Variants in TMEM132C observed in about 807,000 individuals in gnomAD.
TMEM132C encodes transmembrane protein 132C.
Under a neutral mutation model 61.4 loss-of-function variants are expected in TMEM132C, and 29 were observed. That is an observed-to-expected ratio of 0.47 (90% CI 0.35 to 0.64). The LOEUF (loss-of-function observed/expected upper bound fraction) is 0.64. TMEM132C is among the 30% of genes least tolerant of loss of function. TMEM132C has a pLI of 0.00. For synonymous variants in TMEM132C, 656 were observed against 633.1 expected, an observed-to-expected ratio of 1.04 and a Z score of -0.54; for missense variants, 1,408 against 1,476.9, an observed-to-expected ratio of 0.95 and a Z score of 0.76.
At chr12:128,541,637 C>T (rs1873756631) in intron 2 of TMEM132C, among the ~76,000 whole-genome samples, 1 of 152,162 alleles carries the variant, frequency 6.6e-6, no homozygotes, top group African/African-American at 2.4e-5. Flanking sequence ...CACGTAGAGA[C>T]TTTTCTTAGT....
At chr12:128,288,776 C>T (rs1453248738) in intron 1 of TMEM132C, 1 of 152,220 alleles carries the variant, frequency 6.6e-6, no homozygotes, top group East Asian at 1.9e-4. Context: ...GTGTCACAGT[C>T]ACAGGCTAAA....
Position 128,326,797 on chromosome 12 carries a change from T to TC in TMEM132C, c.85+59310_85+59311insC, listed in dbSNP as rs1240748228. 2.2e-5 allele frequency among the ~76,000 whole-genome samples: 3 copies of TC among 134,288 alleles called. No individual in the cohort carries two copies. Among genetic ancestry groups the TC allele is most frequent in the African/African-American group, 9.6e-5 (3 of 31,336 alleles). The allele number at this position is 134,288 out of a possible 152,430, so 88.1% of individuals were successfully genotyped here. A position where few individuals can be genotyped will look rare whatever the true frequency, so the allele number is the denominator to read the frequency against. On this transcript the variant is annotated intron_variant, in intron 1 of 8. Transcript: ENST00000435159. This position sits in a 1 kb window ranked among gnomAD's most constrained non-coding sequence, Gnocchi z 5.6. ...ACATCTCGTTACCGACTTCACAATA[T>TC]TTTTTTTTTCTTTCTTAACAACGTA...
intron 3 of TMEM132C, among the ~76,000 whole-genome samples, chr12:128,608,625 G>C (rs1218953501): frequency 6.6e-6 from 1 of 152,204 alleles, no homozygotes; most frequent in Non-Finnish European, 1.5e-5. Context: ...TAATCACAGA[G>C]AGAAAACACT....
chr12:128,406,936 C>T (rs1875369024), intron 1 of TMEM132C, among the ~76,000 whole-genome samples: 1 of 152,188 alleles, frequency 6.6e-6, no homozygotes, highest in Non-Finnish European at 1.5e-5. Context: ...CTTCCCTATT[C>T]CTCAATTTCC....
At chr12:128,544,144 C>T (rs1301777411) in intron 3 of TMEM132C, 41 bp downstream of exon 3, 2 of 1,464,272 alleles carry the variant, frequency 1.4e-6, no homozygotes, top group Non-Finnish European at 1.8e-6. Flanking sequence ...GGTTCCTGGT[C>T]CCGGGCCCAG....
rs1233004483 is a variant in TMEM132C at position 128,321,140 on chromosome 12, AT to A, written c.85+53654del. On this transcript the variant is annotated intron_variant, in intron 1 of 8. Transcript: ENST00000435159. ...CTGTCCAGGCTGCCATTTTTGAAAA[AT>A]AATAATAATAATAATAATAATAATA... Among the ~76,000 whole-genome samples, 130 of 63,202 alleles carry A rather than the reference AT, an allele frequency of 2.1e-3. 1 individual carries two copies. The highest frequency in any genetic ancestry group is 7.1e-3 in the Middle Eastern group (1 of 140). The allele number at this position is 63,202 out of a possible 152,430, so 41.5% of individuals were successfully genotyped here.
In TMEM132C at chr12:128,374,215, T is replaced by G. The variant is rs1874114725; in HGVS notation, c.86-40517T>G. Among the ~76,000 whole-genome samples, 4 of 152,128 alleles carry G rather than the reference T, an allele frequency of 2.6e-5. No individual in the cohort carries two copies. The South Asian group carries it at 8.3e-4, about 32-fold the overall frequency. ...ACATCCGGGAGACTATTGCATAGTTTATGCGAAAAACAACGGGACTGAAAC... is the reference window on the plus strand; with the variant it reads ...ACATCCGGGAGACTATTGCATAGTTGATGCGAAAAACAACGGGACTGAAAC... On this transcript the variant is annotated intron_variant, in intron 1 of 8. Coordinates refer to ENST00000435159, the MANE Select transcript of TMEM132C (RefSeq NM_001136103.3).
In TMEM132C at chr12:128,267,366, G is replaced by A. The variant is rs1463059821; in HGVS notation, c.-37G>A. On this transcript the variant is annotated 5_prime_UTR_variant, in exon 1 of 9. Transcript: ENST00000435159. Reference sequence around the variant, plus strand: ...GGCCGCGGGCGGGCGCTGCGCTTCGGGCTGGCGGCGGGCTGCGTGAGCGGC... The same window carrying A: ...GGCCGCGGGCGGGCGCTGCGCTTCGAGCTGGCGGCGGGCTGCGTGAGCGGC... The A allele has an allele frequency of 3.7e-5, 38 of 1,035,920 alleles. No individual in the cohort carries two copies. Among genetic ancestry groups the A allele is most frequent in the Middle Eastern group, 4.5e-4 (1 of 2,214 alleles). 64.2% of individuals were successfully genotyped at this position (1,035,920 alleles called of 1,614,324 possible). A position where few individuals can be genotyped will look rare whatever the true frequency, so the allele number is the denominator to read the frequency against.
chr12:128,569,061 C>T (rs976996366), intron 3 of TMEM132C, among the ~76,000 whole-genome samples: 4 of 152,138 alleles, frequency 2.6e-5, no homozygotes, highest in Non-Finnish European at 5.9e-5. Flanking sequence ...CAGTTGAGGA[C>T]ACATTCCATG....
intron 2 of TMEM132C, among the ~76,000 whole-genome samples, chr12:128,423,841 G>A (rs937843031): frequency 2.0e-5 from 3 of 151,840 alleles, no homozygotes; most frequent in African/African-American, 7.3e-5. Flanking sequence ...AGACCATCCT[G>A]GCTAACATGG....
chr12:128,693,994 C>T lies in TMEM132C; in HGVS notation c.1615C>T (p.Gln539Ter). The T allele has an allele frequency of 1.3e-6, 2 of 1,551,722 alleles. No individual in the cohort carries two copies. The change falls in exon 6 of 9, where the codon CAG (glutamine) becomes TAG (stop). Residue 539 changes from glutamine (Q) to a stop codon, truncating the protein, a stop_gained. Transcript: ENST00000435159. LOFTEE classifies it high-confidence loss of function. ...CGAGGTCTCTGACACGGAGCTCAGC[C>T]AGATAAAGGGCTGGAGGGTCCCCAT... is the stretch of plus-strand genomic sequence containing the variant. ...QIEVSDTELS[Q>*]IKGWRVPIVT... is the part of the protein sequence containing the mutation.
chr12:128,645,160 G>GTTGT (rs1954186549), intron 4 of TMEM132C, among the ~76,000 whole-genome samples: 1 of 152,126 alleles, frequency 6.6e-6, no homozygotes, highest in South Asian at 2.1e-4. Context: ...ACTAGATGTG[G>GTTGT]TTGTGCCCAA....
intron 1 of TMEM132C, among the ~76,000 whole-genome samples, chr12:128,396,588 A>ATAC (rs1229718296): frequency 6.6e-6 from 1 of 152,172 alleles, no homozygotes; most frequent in Non-Finnish European, 1.5e-5. Flanking sequence ...AATAATAATA[A>ATAC]TAGGTAATGT....
At chr12:128,533,251 G>A (rs1340399103) in intron 2 of TMEM132C, among the ~76,000 whole-genome samples, 1 of 152,196 alleles carries the variant, frequency 6.6e-6, no homozygotes, top group Non-Finnish European at 1.5e-5. Context: ...TGGTTGGTTA[G>A]CTCAGTGCAA....
intron 1 of TMEM132C, among the ~76,000 whole-genome samples, chr12:128,385,748 C>T (rs1874559129): frequency 6.6e-6 from 1 of 152,156 alleles, no homozygotes; most frequent in Admixed American, 6.5e-5. Context: ...GGTATAAGTC[C>T]TTAACTGAAC....
intron 1 of TMEM132C, among the ~76,000 whole-genome samples, chr12:128,328,975 C>T (rs1872601522): frequency 6.6e-6 from 1 of 151,914 alleles, no homozygotes; most frequent in Non-Finnish European, 1.5e-5. Flanking sequence ...TTGTTTTTTC[C>T]ATGTTTTCCT....
chr12:128,629,657 A>G (rs1423485658), intron 4 of TMEM132C, among the ~76,000 whole-genome samples: 2 of 152,070 alleles, frequency 1.3e-5, no homozygotes, highest in Non-Finnish European at 2.9e-5. Flanking sequence ...CCTGTAGTCG[A>G]CAACACTGAA....
chr12:128,278,279 C>A lies in TMEM132C; in HGVS notation c.85+10792C>A, dbSNP rs1870759033. 1.3e-5 allele frequency among the ~76,000 whole-genome samples: 2 copies of A among 152,266 alleles called. No individual in the cohort carries two copies. The highest frequency in any genetic ancestry group is 2.9e-5 in the Non-Finnish European group (2 of 68,016). On this transcript the variant is annotated intron_variant, in intron 1 of 8. Coordinates refer to ENST00000435159, the MANE Select transcript of TMEM132C (RefSeq NM_001136103.3). The surrounding 1 kb of genome is among the most constrained non-coding windows in gnomAD (Gnocchi z 4.2). ...GTTCTTATCTTCAATTTTTGTAAAC[C>A]TTTTGGGTCACGACACAGCCCCGGG...
At chr12:128,510,218 A>G in intron 2 of TMEM132C, among the ~76,000 whole-genome samples, 1 of 152,124 alleles carries the variant, frequency 6.6e-6, no homozygotes, top group African/African-American at 2.4e-5. Flanking sequence ...CTTCTTTTAT[A>G]TTGTGACTTA....
Sources: allele counts gnomAD v4.1 joint callset (sites outside exome capture counted in the v4.1 genomes callset), GRCh38; gene constraint gnomAD v4.1.1; non-coding constraint Gnocchi (gnomAD v3.1); transcripts MANE v1.5; gene names NCBI Gene and HGNC (gene_info 2026-07-23, HGNC 2026-07-21).